TMCC1: variants seen among roughly 807,000 people sequenced by gnomAD.
TMCC1 encodes transmembrane and coiled-coil domain family 1, also known as transmembrane and coiled-coil domains protein 1.
A neutral mutation model predicts 52.4 loss-of-function variants in TMCC1; 15 were observed. The ratio of observed to expected loss-of-function variants is 0.29; its 90% CI spans 0.19 to 0.44. The LOEUF (loss-of-function observed/expected upper bound fraction) is 0.44. Ranked by LOEUF, TMCC1 falls within the 20% of genes least tolerant of loss-of-function variation. The pLI, the probability that TMCC1 is intolerant of heterozygous loss-of-function variation, is 1.00. For missense variants in TMCC1, 503 were observed against 806.0 expected, an observed-to-expected ratio of 0.62 and a Z score of 4.55; for synonymous variants, 279 against 301.9, an observed-to-expected ratio of 0.92 and a Z score of 0.79.
chr3:129,723,360 C>CTTTTTTT (rs62761061), intron 4 of TMCC1, among the ~76,000 whole-genome samples: 8 of 105,612 alleles, frequency 7.6e-5, no homozygotes, highest in South Asian at 3.2e-4. Flanking sequence ...AAATCTTTTT[C>CTTTTTTT]TTTTTTTTTT....
At chr3:129,712,789 G>A (rs189025407) in intron 4 of TMCC1, among the ~76,000 whole-genome samples, 159 of 152,062 alleles carry the variant, frequency 1.0e-3, no homozygotes, top group African/African-American at 3.4e-3. Flanking sequence ...ATGTCTGTAT[G>A]GGTATCATCT....
chr3:129,842,911 A>C (rs933711121), intron 2 of TMCC1, among the ~76,000 whole-genome samples: 31 of 152,230 alleles, frequency 2.0e-4, no homozygotes, highest in African/African-American at 7.0e-4. Context: ...CAAAAATACA[A>C]CATTATCAAA....
At chr3:129,688,474 C>G (rs145211244) in intron 4 of TMCC1, 1 of 985,574 alleles carries the variant, frequency 1.0e-6, no homozygotes, top group Non-Finnish European at 1.2e-6. Context: ...GGGCTTCTCA[C>G]CTTCACAGTC....
intron 4 of TMCC1, among the ~76,000 whole-genome samples, chr3:129,758,457 T>C (rs905264457): frequency 6.6e-6 from 1 of 152,226 alleles, no homozygotes; most frequent in Non-Finnish European, 1.5e-5. Flanking sequence ...GACACTCCCG[T>C]AGCAATCTTG....
At chr3:129,756,588 C>T (rs1459811766) in intron 4 of TMCC1, among the ~76,000 whole-genome samples, 5 of 152,198 alleles carry the variant, frequency 3.3e-5, no homozygotes, top group African/African-American at 4.8e-5. Context: ...TTAGTAGAGA[C>T]GGGGTTTCAC....
At chr3:129,814,622 A>C (rs2058003705) in intron 4 of TMCC1, among the ~76,000 whole-genome samples, 1 of 152,184 alleles carries the variant, frequency 6.6e-6, no homozygotes, top group Non-Finnish European at 1.5e-5. Context: ...ATGGACAAAG[A>C]AATAAGACCC....
At chr3:129,704,902 T>C (rs1355213888) in intron 4 of TMCC1, among the ~76,000 whole-genome samples, 1 of 152,168 alleles carries the variant, frequency 6.6e-6, no homozygotes, top group African/African-American at 2.4e-5. Flanking sequence ...TCCCAGACCT[T>C]GATTGAGCTG....
intron 4 of TMCC1, among the ~76,000 whole-genome samples, chr3:129,730,035 T>C (rs1334713179): frequency 6.6e-6 from 1 of 152,210 alleles, no homozygotes; most frequent in African/African-American, 2.4e-5. Flanking sequence ...ATTGTACTGA[T>C]AGTGAATAAC....
intron 2 of TMCC1, among the ~76,000 whole-genome samples, chr3:129,836,388 A>G (rs889536178): frequency 3.3e-5 from 5 of 152,224 alleles, no homozygotes; most frequent in Non-Finnish European, 5.9e-5. Flanking sequence ...ACAGCATCCA[A>G]TAATTGCAAA....
chr3:129,661,055 T>G (rs1018265003), intron 5 of TMCC1, among the ~76,000 whole-genome samples: 3 of 152,254 alleles, frequency 2.0e-5, no homozygotes, highest in Non-Finnish European at 4.4e-5. Flanking sequence ...GAACAATTTA[T>G]TCACAGTTAC....
At chr3:129,885,031 C>T (rs145940412) in intron 1 of TMCC1, among the ~76,000 whole-genome samples, 284 of 151,944 alleles carry the variant, frequency 1.9e-3, no homozygotes, top group African/African-American at 6.4e-3. Context: ...CCCAGCTACT[C>T]GGGGAGCTGA....
At chr3:129,839,665 G>A (rs1317436812) in intron 2 of TMCC1, among the ~76,000 whole-genome samples, 3 of 152,150 alleles carry the variant, frequency 2.0e-5, no homozygotes, top group African/African-American at 4.8e-5. Context: ...TAGGAGGATC[G>A]CTTGAGCCCA....
chr3:129,715,684 TA>T (rs1284843421), intron 4 of TMCC1, among the ~76,000 whole-genome samples: 1 of 152,228 alleles, frequency 6.6e-6, no homozygotes, highest in Non-Finnish European at 1.5e-5. Context: ...TCTGTACTTC[TA>T]AACTTTCTAA....
intron 4 of TMCC1, among the ~76,000 whole-genome samples, chr3:129,793,771 G>C (rs1258692643): frequency 1.3e-5 from 2 of 152,266 alleles, no homozygotes; most frequent in South Asian, 4.1e-4. Flanking sequence ...CTTTTCATCA[G>C]AACTCTGTAA....
At chr3:129,671,865 T>C (rs536138665) in intron 4 of TMCC1, among the ~76,000 whole-genome samples, 3 of 152,288 alleles carry the variant, frequency 2.0e-5, no homozygotes, top group Non-Finnish European at 4.4e-5. Flanking sequence ...CTGGAGATGG[T>C]TGGAGGCAAG....
chr3:129,852,136 G>A (rs898713333), intron 2 of TMCC1, among the ~76,000 whole-genome samples: 3 of 152,100 alleles, frequency 2.0e-5, no homozygotes, highest in Non-Finnish European at 4.4e-5. Flanking sequence ...CTGGGCAACA[G>A]CGTGAGACCC....
intron 4 of TMCC1, among the ~76,000 whole-genome samples, chr3:129,785,208 T>C (rs2055904010): frequency 6.6e-6 from 1 of 152,154 alleles, no homozygotes; most frequent in Admixed American, 6.6e-5. Context: ...GTGGTATGTC[T>C]GAAATACAGC....
intron 4 of TMCC1, among the ~76,000 whole-genome samples, chr3:129,695,138 AAT>A (rs2047319385): frequency 6.0e-5 from 2 of 33,200 alleles, no homozygotes; most frequent in African/African-American, 1.1e-4. Context: ...CATAATTAAT[AAT>A]AACCTTTGAA....
At chr3:129,764,767 A>G (rs548649793) in intron 4 of TMCC1, among the ~76,000 whole-genome samples, 2,058 of 47,302 alleles carry the variant, frequency 0.044, 41 homozygotes, top group African/African-American at 0.052. Flanking sequence ...GTATATATAT[A>G]TATATATATA....
Sources: allele counts gnomAD v4.1 joint callset (sites outside exome capture counted in the v4.1 genomes callset), GRCh38; gene constraint gnomAD v4.1.1; transcripts MANE v1.5; gene names NCBI Gene and HGNC (gene_info 2026-07-23, HGNC 2026-07-21).